Variants in OXR1 observed in about 807,000 individuals in gnomAD.
OXR1 encodes oxidation resistance 1.
OXR1 carries 41 observed loss-of-function variants against 104.6 expected under a neutral mutation model. The observed-to-expected ratio is 0.39, with a 90% CI of 0.31 to 0.51. The LOEUF is 0.51. Among genes scored for constraint, OXR1 ranks in the 20% least tolerant of loss-of-function variants. The pLI, the probability that OXR1 is intolerant of heterozygous loss-of-function variation, is 0.77. For missense variants in OXR1, 955 were observed against 1,031.9 expected, an observed-to-expected ratio of 0.93 and a Z score of 1.02; for synonymous variants, 348 against 348.4, an observed-to-expected ratio of 1.00 and a Z score of 0.01.
intron 3 of OXR1, among the ~76,000 whole-genome samples, chr8:106,549,099 T>A (rs1815600443): frequency 6.6e-6 from 1 of 152,018 alleles, no homozygotes; most frequent in Admixed American, 6.6e-5. Flanking sequence ...GTGAAATAAA[T>A]CTAAGATATG....
intron 3 of OXR1, among the ~76,000 whole-genome samples, chr8:106,625,503 G>A (rs1012179632): frequency 6.6e-6 from 1 of 152,216 alleles, no homozygotes; most frequent in Non-Finnish European, 1.5e-5. Context: ...AATAGCACAT[G>A]TGTGTAGAGC....
intron 3 of OXR1, among the ~76,000 whole-genome samples, chr8:106,585,101 T>A (rs1388250356): frequency 1.3e-5 from 2 of 152,150 alleles, no homozygotes; most frequent in African/African-American, 4.8e-5. Context: ...TATTCCTTCA[T>A]CATCTCTGCA....
intron 2 of OXR1, among the ~76,000 whole-genome samples, chr8:106,400,274 C>A (rs1014594228): frequency 6.6e-6 from 1 of 152,074 alleles, no homozygotes; most frequent in Non-Finnish European, 1.5e-5. Context: ...CTGCAACATC[C>A]TTAAGTCAGG....
rs781175256 is a variant in OXR1 at position 106,679,254 on chromosome 8, A to G, written c.265A>G (p.Met89Val). The G allele has an allele frequency of 1.9e-6, 3 of 1,610,722 alleles. No individual in the cohort carries two copies. The South Asian group carries it at 3.3e-5, about 18-fold the overall frequency. ...KTLDKKDGRRMSFQKPKGTIE... is the reference protein window; with the variant it reads ...KTLDKKDGRRVSFQKPKGTIE... Reference sequence around the variant, plus strand: ...CCTAGACAAGAAAGATGGAAGACGAATGTCTTTTCAGAAACCTAAAGGGAC... The same window carrying G: ...CCTAGACAAGAAAGATGGAAGACGAGTGTCTTTTCAGAAACCTAAAGGGAC... The change falls in exon 4 of 17, where the codon ATG becomes GTG. Residue 89 changes from methionine to valine, a missense_variant. Met to Val is a conservative substitution (Grantham distance 21). Coordinates refer to ENST00000517566, the MANE Select transcript of OXR1 (RefSeq NM_001198533.2).
intron 12 of OXR1, among the ~76,000 whole-genome samples, chr8:106,738,373 A>G (rs533456987): frequency 3.9e-5 from 6 of 152,188 alleles, no homozygotes; most frequent in African/African-American, 9.6e-5. Context: ...GATATGAAAG[A>G]ATGAGTATTT....
At chr8:106,656,497 G>A (rs1028319143) in intron 3 of OXR1, 4 of 152,220 alleles carry the variant, frequency 2.6e-5, no homozygotes, top group Admixed American at 6.5e-5. Flanking sequence ...TTGGGGTTAG[G>A]ATTTTAACAA....
chr8:106,456,929 T>G (rs1397256098), intron 2 of OXR1, among the ~76,000 whole-genome samples: 2 of 152,228 alleles, frequency 1.3e-5, no homozygotes, highest in African/African-American at 4.8e-5. Flanking sequence ...ATTTGCATTG[T>G]ACATAATAAC....
At chr8:106,744,640 G>A (rs200223964) in intron 15 of OXR1, among the ~76,000 whole-genome samples, 2 of 152,126 alleles carry the variant, frequency 1.3e-5, no homozygotes, top group Non-Finnish European at 2.9e-5. Flanking sequence ...ACTGTGGCTT[G>A]ACTAACACAA....
At chr8:106,438,293 A>G (rs1281946158) in intron 2 of OXR1, among the ~76,000 whole-genome samples, 1 of 152,148 alleles carries the variant, frequency 6.6e-6, no homozygotes, top group Non-Finnish European at 1.5e-5. Context: ...AAATGGTTAT[A>G]TCTACCTATG....
intron 2 of OXR1, among the ~76,000 whole-genome samples, chr8:106,365,022 G>A (rs541246535): frequency 1.7e-4 from 26 of 152,152 alleles, no homozygotes; most frequent in Non-Finnish European, 3.2e-4. Context: ...ACCTGCAGGG[G>A]GAACAATGTG....
intron 11 of OXR1, among the ~76,000 whole-genome samples, chr8:106,719,072 A>T (rs1157754423): frequency 6.6e-6 from 1 of 152,194 alleles, no homozygotes; most frequent in East Asian, 1.9e-4. Flanking sequence ...TACTTATTAC[A>T]GTCTTTCCCC....
intron 2 of OXR1, among the ~76,000 whole-genome samples, chr8:106,395,974 A>G (rs1194265299): frequency 5.9e-5 from 9 of 152,242 alleles, no homozygotes; most frequent in Non-Finnish European, 8.8e-5. Flanking sequence ...TGAGTTCCCA[A>G]TGGCCAAGAC....
intron 6 of OXR1, 64 bp from the exon 7 acceptor site, chr8:106,692,664 T>C: frequency 3.0e-6 from 3 of 997,902 alleles, no homozygotes; most frequent in Middle Eastern, 2.3e-4. Flanking sequence ...GACTTTTTAA[T>C]AGTGTGCTCA....
intron 3 of OXR1, among the ~76,000 whole-genome samples, chr8:106,669,226 A>C (rs1478587089): frequency 1.3e-5 from 2 of 152,210 alleles, no homozygotes; most frequent in Non-Finnish European, 2.9e-5. Context: ...AAGCCCATCA[A>C]ATTTGCCATT....
At chr8:106,455,334 T>C (rs1820545032) in intron 2 of OXR1, among the ~76,000 whole-genome samples, 1 of 152,220 alleles carries the variant, frequency 6.6e-6, no homozygotes, top group Non-Finnish European at 1.5e-5. Flanking sequence ...AAATGACAAT[T>C]TATATCTTCA....
At chr8:106,593,775 C>CTAA (rs1001231888) in intron 3 of OXR1, among the ~76,000 whole-genome samples, 82 of 152,036 alleles carry the variant, frequency 5.4e-4, no homozygotes, top group Middle Eastern at 3.4e-3. Context: ...GACTCCATCT[C>CTAA]TAATAATAAT....
chr8:106,707,327 C>G, intron 9 of OXR1, 182 bp downstream of exon 9: 1 of 678,192 alleles, frequency 1.5e-6, no homozygotes. Flanking sequence ...TTTCTTATCC[C>G]ACAGGTGGAT....
intron 7 of OXR1, among the ~76,000 whole-genome samples, chr8:106,695,277 T>C (rs1267402633): frequency 6.6e-6 from 1 of 151,998 alleles, no homozygotes; most frequent in East Asian, 1.9e-4. Flanking sequence ...ATTTGTATCA[T>C]TTTTCCTTTT....
chr8:106,713,954 C>T lies in OXR1; in HGVS notation c.1925C>T (p.Ser642Phe). ...GAGGAGTCTGAAACAATTGAGGATT[C>T]TAGTAATCAAGCAGCAGCCAGAGAA... ...KIEESETIED[S>F]SNQAAAREWE... is the part of the protein sequence containing the mutation. The change falls in exon 11 of 17, where the codon TCT becomes TTT. Residue 642 changes from serine (S) to phenylalanine (F), a missense_variant. Physicochemically the swap from Ser to Phe is radical, Grantham distance 155. Transcript: ENST00000517566. The T allele has an allele frequency of 6.3e-7, 1 of 1,582,506 alleles. No individual in the cohort carries two copies. The highest frequency in any genetic ancestry group is 2.3e-5 in the East Asian group (1 of 43,280).
Sources: gnomAD v4.1 joint callset for allele counts (sites outside exome capture counted in the v4.1 genomes callset) on GRCh38, gnomAD v4.1.1 for gene constraint, MANE v1.5 for transcripts, NCBI Gene and HGNC (gene_info 2026-07-23, HGNC 2026-07-21) for gene names.